The following GRIN2A variants were observed in gnomAD, a reference collection of about 807,000 sequenced individuals.
GRIN2A encodes the protein glutamate ionotropic receptor NMDA type subunit 2A.
In GRIN2A, 22 loss-of-function variants were observed where a neutral mutation model predicts 113.4. The observed-to-expected ratio is 0.19, with a 90% confidence interval of 0.14 to 0.28. GRIN2A has a LOEUF of 0.28. GRIN2A is among the 10% of genes least tolerant of loss of function. The pLI is 1.00. For missense variants in GRIN2A, 1,502 were observed against 1,887.0 expected, an observed-to-expected ratio of 0.80 and a Z score of 3.78; for synonymous variants, 827 against 738.4, an observed-to-expected ratio of 1.12 and a Z score of -1.94.
intron 2 of GRIN2A, among the ~76,000 whole-genome samples, chr16:10,171,115 T>C (rs1480257740): frequency 6.6e-6 from 1 of 152,214 alleles, no homozygotes; most frequent in Non-Finnish European, 1.5e-5. Context: ...GTCTTGCATC[T>C]GAGCCCCTTC....
intron 9 of GRIN2A, among the ~76,000 whole-genome samples, chr16:9,822,672 G>C (rs926558634): frequency 9.9e-5 from 15 of 152,158 alleles, no homozygotes; most frequent in African/African-American, 3.6e-4. Context: ...CTACTGCTCA[G>C]ATCCTAGCAC....
chr16:10,112,558 G>A (rs780257729), intron 2 of GRIN2A: 89 of 780,042 alleles, frequency 1.1e-4, no homozygotes, highest in Admixed American at 3.6e-4. Context: ...CCACCACCAC[G>A]GAGGCCCAGC....
At chr16:9,937,907 G>A (rs2041836931) in intron 3 of GRIN2A, 52 bp downstream of exon 3, 1 of 1,293,940 alleles carries the variant, frequency 7.7e-7, no homozygotes, top group Admixed American at 1.7e-5. Flanking sequence ...AGCAAACAAT[G>A]ACAACAGCAA....
intron 2 of GRIN2A, among the ~76,000 whole-genome samples, chr16:10,134,505 A>T (rs1346090440): frequency 6.6e-6 from 1 of 152,042 alleles, no homozygotes; most frequent in Admixed American, 6.6e-5. Flanking sequence ...GAGGGATAGC[A>T]TTAGGAGAAA....
At chr16:9,854,319 G>T (rs758463640) in intron 4 of GRIN2A, among the ~76,000 whole-genome samples, 1 of 151,732 alleles carries the variant, frequency 6.6e-6, no homozygotes, top group Non-Finnish European at 1.5e-5. Context: ...GAGGGTGGCC[G>T]TCTGAATAGC....
chr16:9,965,249 C>T (rs1024826777), intron 2 of GRIN2A, among the ~76,000 whole-genome samples: 1 of 152,214 alleles, frequency 6.6e-6, no homozygotes, highest in Non-Finnish European at 1.5e-5. Context: ...GAACAGATTC[C>T]TCTCCTAACC....
intron 2 of GRIN2A, among the ~76,000 whole-genome samples, chr16:9,999,935 T>C (rs1043252161): frequency 2.6e-5 from 4 of 152,146 alleles, no homozygotes; most frequent in African/African-American, 9.7e-5. Flanking sequence ...AATCAAAGTA[T>C]GGACAAAGCT....
chr16:9,940,127 T>C (rs1166070509), intron 2 of GRIN2A, among the ~76,000 whole-genome samples: 1 of 151,820 alleles, frequency 6.6e-6, no homozygotes, highest in Non-Finnish European at 1.5e-5. Context: ...AACAATACTT[T>C]GTAGCTGTGC....
chr16:10,076,023 C>A (rs955380738), intron 2 of GRIN2A, among the ~76,000 whole-genome samples: 1 of 152,094 alleles, frequency 6.6e-6, no homozygotes, highest in African/African-American at 2.4e-5. Flanking sequence ...ATTCCGAGAC[C>A]CATCTGCAAG....
intron 2 of GRIN2A, among the ~76,000 whole-genome samples, chr16:9,948,431 G>T (rs1174838108): frequency 2.6e-5 from 4 of 152,182 alleles, no homozygotes; most frequent in African/African-American, 2.4e-5. Flanking sequence ...CAGTAGCAAA[G>T]TTCTAGAGGT....
intron 2 of GRIN2A, among the ~76,000 whole-genome samples, chr16:10,142,669 A>T (rs2049351127): frequency 6.6e-6 from 1 of 152,234 alleles, no homozygotes; most frequent in African/African-American, 2.4e-5. Context: ...ACTGTACTCT[A>T]GTATGGGCAA....
chr16:9,846,107 C>T (rs35440248), intron 5 of GRIN2A, among the ~76,000 whole-genome samples: 37,696 of 152,060 alleles, frequency 0.25, 4,811 homozygotes, highest in Non-Finnish European at 0.27. Flanking sequence ...ACATTCCTGA[C>T]CCCAAAACAT....
intron 7 of GRIN2A, among the ~76,000 whole-genome samples, chr16:9,834,820 A>G (rs1038639221): frequency 6.6e-6 from 1 of 152,350 alleles, no homozygotes; most frequent in East Asian, 1.9e-4. Flanking sequence ...AATCAGAAGA[A>G]AAAAGAGTGA....
intron 11 of GRIN2A, among the ~76,000 whole-genome samples, chr16:9,772,592 T>C (rs2141161095): frequency 6.6e-6 from 1 of 152,202 alleles, no homozygotes; most frequent in South Asian, 2.1e-4. Flanking sequence ...AGGCTGATGA[T>C]CTCAAACTCC....
intron 7 of GRIN2A, among the ~76,000 whole-genome samples, chr16:9,837,774 A>G (rs1567335153): frequency 1.1e-4 from 16 of 152,176 alleles, no homozygotes; most frequent in Admixed American, 9.2e-4. Context: ...TTCCTGGCAT[A>G]GTGAGGCTCT....
intron 11 of GRIN2A, among the ~76,000 whole-genome samples, chr16:9,774,118 G>A (rs1901456031): frequency 6.6e-6 from 1 of 152,166 alleles, no homozygotes; most frequent in South Asian, 2.1e-4. Context: ...AAGAAGGCTG[G>A]TTAGACAAAA....
At chr16:9,953,593 C>T (rs751730900) in intron 2 of GRIN2A, among the ~76,000 whole-genome samples, 7 of 151,736 alleles carry the variant, frequency 4.6e-5, no homozygotes, top group Non-Finnish European at 7.4e-5. Flanking sequence ...CTGCTGGGGG[C>T]GGTAGTTGTT....
intron 2 of GRIN2A, among the ~76,000 whole-genome samples, chr16:10,067,445 T>C (rs952242596): frequency 6.6e-6 from 1 of 152,236 alleles, no homozygotes; most frequent in Non-Finnish European, 1.5e-5. Context: ...TTGCACATTT[T>C]CTAGACAGCC....
intron 9 of GRIN2A, among the ~76,000 whole-genome samples, chr16:9,825,716 G>A (rs767120345): frequency 1.6e-4 from 24 of 152,142 alleles, no homozygotes; most frequent in Non-Finnish European, 2.6e-4. Context: ...CAGCAAGCAG[G>A]TGTGTCCTTG....
Sources: allele counts gnomAD v4.1 joint callset (sites outside exome capture counted in the v4.1 genomes callset), GRCh38; gene constraint gnomAD v4.1.1; transcripts MANE v1.5; gene names NCBI Gene and HGNC (gene_info 2026-07-23, HGNC 2026-07-21).